SGF29: variants seen among roughly 807,000 people sequenced by gnomAD.
SGF29 encodes the protein SAGA-associated factor 29.
A neutral mutation model predicts 38.1 loss-of-function variants in SGF29; 15 were observed. The ratio of observed to expected loss-of-function variants is 0.39; its 90% CI spans 0.26 to 0.61. SGF29 has a LOEUF of 0.61. SGF29 is among the 20% of genes least tolerant of loss of function. The probability of loss-of-function intolerance (pLI) is 0.49; values close to 1 mark genes in which losing one functional copy is unlikely to be tolerated. For synonymous variants in SGF29, 151 were observed against 160.8 expected (o/e 0.94, Z 0.46); for missense variants, 184 against 394.6 (o/e 0.47, Z 4.52).
Position 28,590,346 on chromosome 16 carries a change from G to C in SGF29, c.470G>C (p.Arg157Thr). The C allele has an allele frequency of 6.2e-7, 1 of 1,613,546 alleles. No individual in the cohort carries two copies. The highest frequency in any genetic ancestry group is 8.5e-7 in the Non-Finnish European group (1 of 1,179,716). ...AIPASGDYVA[R>T]PGDKVAARVK... Reference sequence around the variant, plus strand: ...CCTGCCTCAGGAGACTACGTGGCCAGACCTGGAGACAAGGTGGCTGCCCGG... The same window carrying C: ...CCTGCCTCAGGAGACTACGTGGCCACACCTGGAGACAAGGTGGCTGCCCGG... Residue 157 changes from arginine to threonine, a missense_variant, in exon 7 of 10, where the codon AGA becomes ACA. By Grantham distance (71) the Arg-to-Thr change is moderately conservative. Transcript: ENST00000317058. This position sits in a 1 kb window ranked among gnomAD's most constrained non-coding sequence, Gnocchi z 8.2.
chr16:28,565,462 C>T (rs1282011507), intron 1 of SGF29, among the ~76,000 whole-genome samples: 3 of 152,094 alleles, frequency 2.0e-5, no homozygotes, highest in Non-Finnish European at 4.4e-5. Flanking sequence ...TGGGCTGAGG[C>T]GTGAATGGGA....
At chr16:28,570,956 G>A (rs1029492125) in intron 1 of SGF29, among the ~76,000 whole-genome samples, 2 of 152,016 alleles carry the variant, frequency 1.3e-5, no homozygotes, top group South Asian at 2.1e-4. Flanking sequence ...TTCTATTTGG[G>A]GCCATTGGGG....
intron 1 of SGF29, among the ~76,000 whole-genome samples, chr16:28,576,934 C>T (rs1330977463): frequency 6.6e-6 from 1 of 152,156 alleles, no homozygotes; most frequent in Non-Finnish European, 1.5e-5. Context: ...GCAGGTGGAT[C>T]ACCCGAGGTC....
At chr16:28,564,652 TAC>T (rs1285185816) in intron 1 of SGF29, among the ~76,000 whole-genome samples, 32 of 102,184 alleles carry the variant, frequency 3.1e-4, no homozygotes, top group African/African-American at 1.0e-3. Context: ...TGTGTATATA[TAC>T]GTATATATAT....
At chr16:28,588,760 G>A (rs2046969854) in intron 4 of SGF29, 2 of 351,224 alleles carry the variant, frequency 5.7e-6, no homozygotes, top group Non-Finnish European at 5.6e-6. Flanking sequence ...TAATACAGAC[G>A]GGGTTTCACC....
intron 1 of SGF29, among the ~76,000 whole-genome samples, chr16:28,575,433 C>A (rs2046887068): frequency 6.6e-6 from 1 of 152,228 alleles, no homozygotes; most frequent in Non-Finnish European, 1.5e-5. Flanking sequence ...ATAAGCCCAG[C>A]ACTTTGGGAG....
intron 1 of SGF29, among the ~76,000 whole-genome samples, chr16:28,567,167 T>C (rs1278830928): frequency 1.3e-5 from 2 of 152,146 alleles, no homozygotes; most frequent in African/African-American, 4.8e-5. Flanking sequence ...GAAGTAGAAG[T>C]GTGTAAGAAA....
intron 1 of SGF29, among the ~76,000 whole-genome samples, chr16:28,576,432 G>T (rs1053187967): frequency 6.6e-6 from 1 of 152,122 alleles, no homozygotes; most frequent in Admixed American, 6.6e-5. Flanking sequence ...CGGGCGCAGT[G>T]GCTCACACCT....
At chr16:28,576,423 G>A (rs374519102) in intron 1 of SGF29, among the ~76,000 whole-genome samples, 52 of 151,818 alleles carry the variant, frequency 3.4e-4, no homozygotes, top group African/African-American at 8.7e-4. Context: ...AAGAAGGGCC[G>A]GGCGCAGTGG....
chr16:28,559,407 G>A (rs1299263245), intron 1 of SGF29, among the ~76,000 whole-genome samples: 2 of 151,998 alleles, frequency 1.3e-5, no homozygotes, highest in Non-Finnish European at 2.9e-5. Context: ...GTTTTGAGAC[G>A]GAATCTCACT....
intron 9 of SGF29, 23 bp from the exon 10 acceptor site, chr16:28,591,567 C>T (rs200844848): frequency 4.6e-5 from 72 of 1,552,332 alleles, no homozygotes; most frequent in Non-Finnish European, 2.6e-5. Flanking sequence ...CTGAGCAGCC[C>T]CTCCTGTCTG....
chr16:28,591,143 C>T (rs1420013574), intron 9 of SGF29, among the ~76,000 whole-genome samples: 2 of 152,178 alleles, frequency 1.3e-5, no homozygotes, highest in East Asian at 1.9e-4. Flanking sequence ...AGCCCCGAGT[C>T]AGTGGCTTCC....
At chr16:28,575,193 T>A (rs1262850449) in intron 1 of SGF29, among the ~76,000 whole-genome samples, 1 of 152,152 alleles carries the variant, frequency 6.6e-6, no homozygotes, top group Non-Finnish European at 1.5e-5. Context: ...GACACAGATG[T>A]AGCTTCTGTT....
At chr16:28,581,423 C>T (rs182607359) in intron 2 of SGF29, among the ~76,000 whole-genome samples, 11 of 152,260 alleles carry the variant, frequency 7.2e-5, no homozygotes, top group Admixed American at 2.6e-4. Flanking sequence ...AGTGGTTTTT[C>T]GCAGCTCACA....
chr16:28,562,704 A>C (rs541882993), intron 1 of SGF29, among the ~76,000 whole-genome samples: 3 of 151,904 alleles, frequency 2.0e-5, no homozygotes, highest in Non-Finnish European at 4.4e-5. Context: ...GGAGTTTGAG[A>C]TCATCCTGGG....
chr16:28,588,066 C>T (rs902757499), intron 4 of SGF29, among the ~76,000 whole-genome samples: 2 of 152,104 alleles, frequency 1.3e-5, no homozygotes, highest in African/African-American at 4.8e-5. Context: ...TCCTAAAGTG[C>T]TGAGATTACA....
chr16:28,588,993 G>A (rs941771788), intron 4 of SGF29, 107 bp from the exon 5 acceptor site: 16 of 1,205,490 alleles, frequency 1.3e-5, no homozygotes, highest in South Asian at 2.5e-5. Context: ...TCTGGAGTCC[G>A]GGACCAGCCT....
intron 1 of SGF29, among the ~76,000 whole-genome samples, chr16:28,563,512 C>T (rs557396595): frequency 8.5e-5 from 13 of 152,180 alleles, no homozygotes; most frequent in African/African-American, 3.1e-4. Context: ...GTGTCTTTGT[C>T]AGCAAAAGCT....
intron 1 of SGF29, among the ~76,000 whole-genome samples, chr16:28,564,500 T>G (rs1283979804): frequency 1.4e-5 from 2 of 144,094 alleles, no homozygotes; most frequent in African/African-American, 5.1e-5. Flanking sequence ...GGGACAGAAC[T>G]CTGTGTGTGT....
Sources: gnomAD v4.1 joint callset for allele counts (sites outside exome capture counted in the v4.1 genomes callset) on GRCh38, gnomAD v4.1.1 for gene constraint, Gnocchi (gnomAD v3.1) non-coding constraint, MANE v1.5 for transcripts, NCBI Gene and HGNC (gene_info 2026-07-23, HGNC 2026-07-21) for gene names.